The following MGA variants were observed in gnomAD, a reference collection of about 807,000 sequenced individuals.
The protein encoded by MGA is MAX gene-associated protein.
In MGA, 40 loss-of-function variants were observed where a neutral mutation model predicts 261.1. The observed-to-expected ratio is 0.15, with a 90% CI of 0.12 to 0.20. MGA has a LOEUF of 0.20. Ranked by LOEUF, MGA falls within the 10% of genes least tolerant of loss-of-function variation. The pLI, the probability that MGA is intolerant of heterozygous loss-of-function variation, is 1.00. For missense variants in MGA, 3,397 were observed against 3,630.5 expected, an observed-to-expected ratio of 0.94 and a Z score of 1.65; for synonymous variants, 1,302 against 1,290.6, an observed-to-expected ratio of 1.01 and a Z score of -0.19.
At chr15:41,656,288 G>GATGTGGGGCTTC (rs1566936248), upstream of MGA, among the ~76,000 whole-genome samples, 1 of 149,756 alleles carries the variant, frequency 6.7e-6, no homozygotes, top group Non-Finnish European at 1.5e-5. Flanking sequence ...ATGTGGGCTT[G>GATGTGGGGCTTC]AGATGTGGGG....
chr15:41,688,780 G>T (rs190206945), intron 2 of MGA, among the ~76,000 whole-genome samples: 1 of 152,126 alleles, frequency 6.6e-6, no homozygotes, highest in Non-Finnish European at 1.5e-5. Flanking sequence ...ACAAAATATC[G>T]TAGATTGGCT....
chr15:41,648,440 CAT>C (rs1299183438), intron 1 of MGA, among the ~76,000 whole-genome samples: 1 of 152,138 alleles, frequency 6.6e-6, no homozygotes, highest in African/African-American at 2.4e-5. Context: ...ATGGAGGAGA[CAT>C]TGAATAATCA....
rs1253260549 is a variant in MGA, at chr15:41,739,154, C to A, written c.4435-899C>A. Among the ~76,000 whole-genome samples the A allele has an allele frequency of 3.3e-5, 5 of 151,848 alleles. No homozygotes were observed. In the East Asian group the frequency reaches 9.7e-4, roughly 29 times the overall value. The stretch of plus-strand genomic sequence containing the variant: ...AAAAAAAAAAGAAAAGAAATCAACC[C>A]CCACAAAAAACAACTGTGCTGGTAC... On this transcript the variant is annotated intron_variant, in intron 13 of 23. Transcript: ENST00000219905.
rs2057924813 is a variant in MGA, at chr15:41,669,293, T to C, written c.399T>C (p.His133=). 6.2e-7 allele frequency: 1 copy of C among 1,613,916 alleles called. No homozygotes were observed. The highest frequency in any genetic ancestry group is 1.3e-5 in the African/African-American group (1 of 74,932). The change falls in exon 2 of 24, where the codon CAT becomes CAC. Residue 133 remains histidine (H), a synonymous_variant. Coordinates refer to ENST00000219905, the MANE Select transcript of MGA (RefSeq NM_001164273.2). ...TGGATATATCTCCTGTGGATAACCA[T>C]CGTTATAAGTGGAATGGTCGTTGGT...
intron 5 of MGA, among the ~76,000 whole-genome samples, chr15:41,704,237 G>T (rs906151735): frequency 6.6e-6 from 1 of 151,570 alleles, no homozygotes; most frequent in African/African-American, 2.4e-5. Context: ...TAGAGATGGG[G>T]TCTCCCAGTT....
intron 2 of MGA, 142 bp downstream of exon 2, chr15:41,670,100 A>C: frequency 1.4e-6 from 1 of 706,606 alleles, no homozygotes; most frequent in South Asian, 2.1e-5. Flanking sequence ...CTGCTTTTAC[A>C]TTCTGTGAAG....
Position 41,742,950 on chromosome 15 carries a change from A to C in MGA, c.4990A>C (p.Thr1664Pro). The C allele has an allele frequency of 1.9e-6, 3 of 1,613,936 alleles. No individual in the cohort carries two copies. The highest frequency in any genetic ancestry group is 2.2e-5 in the East Asian group (1 of 44,886). ...AGCCACTGTGAACCTTACCAAAACC[A>C]CTGGGATAACTACCCCTGTGGCTTC... Residue 1664 changes from threonine (T) to proline (P), a missense_variant, in exon 15 of 24, where the codon ACT becomes CCT. Transcript: ENST00000219905.
At chr15:41,699,287 T>G in intron 5 of MGA, 128 bp downstream of exon 5, 1 of 620,672 alleles carries the variant, frequency 1.6e-6, no homozygotes, top group Non-Finnish European at 2.7e-6. Context: ...TAGCCTTGAT[T>G]TCATTTCTTT....
intron 16 of MGA, 43 bp from the exon 17 acceptor site, chr15:41,749,068 G>A (rs1452194087): frequency 6.3e-7 from 1 of 1,574,948 alleles, no homozygotes; most frequent in South Asian, 1.2e-5. Context: ...TCTTGATATG[G>A]GCAGTCATGA....
chr15:41,690,560 A>G lies in MGA; in HGVS notation c.1065-5515A>G, dbSNP rs376029186. On this transcript the variant is annotated intron_variant, in intron 2 of 23. Coordinates refer to ENST00000219905, the MANE Select transcript of MGA (RefSeq NM_001164273.2). ...ATCTGTATATCTAGTCTTAATGTCA[A>G]TATCACACTGTTGACTGGGCACGGT... Among the ~76,000 whole-genome samples the G allele has an allele frequency of 9.9e-5, 15 of 152,240 alleles. No individual in the cohort carries two copies. In the South Asian group the frequency reaches 1.7e-3, roughly 17 times the overall value.
chr15:41,675,262 A>G (rs113218163), intron 2 of MGA, among the ~76,000 whole-genome samples: 105 of 152,340 alleles, frequency 6.9e-4, no homozygotes, highest in Non-Finnish European at 1.2e-3. Flanking sequence ...AAAATGTATG[A>G]TGAGACTTCC....
chr15:41,670,000 T>A, intron 2 of MGA, 42 bp downstream of exon 2: 1 of 1,490,652 alleles, frequency 6.7e-7, no homozygotes, highest in Non-Finnish European at 9.2e-7. Context: ...AAAGGAAGAT[T>A]GAGATGGGCC....
At chr15:41,662,952 G>T (rs997697336) in intron 1 of MGA, among the ~76,000 whole-genome samples, 2 of 152,158 alleles carry the variant, frequency 1.3e-5, no homozygotes, top group Non-Finnish European at 2.9e-5. Context: ...TTTAAATAAT[G>T]GTATTGACTT....
chr15:41,631,210 A>C (rs1294594221), intron 1 of MGA, among the ~76,000 whole-genome samples: 1 of 152,240 alleles, frequency 6.6e-6, no homozygotes, highest in Non-Finnish European at 1.5e-5. Context: ...GCAGTCTTAT[A>C]TCAGTTTTCA....
chr15:41,757,252 C>T (rs2063205978), intron 18 of MGA, among the ~76,000 whole-genome samples: 1 of 152,182 alleles, frequency 6.6e-6, no homozygotes, highest in African/African-American at 2.4e-5. Context: ...TTTGTGGATT[C>T]ACCCAACTGT....
chr15:41,676,348 A>G (rs1479874234), intron 2 of MGA, among the ~76,000 whole-genome samples: 3 of 152,164 alleles, frequency 2.0e-5, no homozygotes, highest in Non-Finnish European at 4.4e-5. Context: ...AAACCTGGCT[A>G]ATTTTATGTA....
intron 2 of MGA, chr15:41,691,473 G>T (rs1458814205): frequency 1.4e-5 from 4 of 278,048 alleles, no homozygotes; most frequent in Non-Finnish European, 7.7e-6. Context: ...TCATTTACCT[G>T]TGAATAGAGA....
chr15:41,725,007 G>T (rs1195487179), intron 9 of MGA, among the ~76,000 whole-genome samples: 1 of 152,208 alleles, frequency 6.6e-6, no homozygotes, highest in African/African-American at 2.4e-5. Context: ...GTAAGTATTT[G>T]AATTAAGTAT....
chr15:41,664,928 C>CTG (rs3034713), intron 1 of MGA, among the ~76,000 whole-genome samples: 114,816 of 151,936 alleles, frequency 0.76, 44,582 homozygotes, highest in East Asian at 0.89. Flanking sequence ...TACATTTTAT[C>CTG]TCTTTTAAAA....
Sources: allele counts gnomAD v4.1 joint callset (sites outside exome capture counted in the v4.1 genomes callset), GRCh38; gene constraint gnomAD v4.1.1; transcripts MANE v1.5; gene names NCBI Gene and HGNC (gene_info 2026-07-23, HGNC 2026-07-21).